VDAC3: variants seen among roughly 807,000 people sequenced by gnomAD.
The protein encoded by VDAC3 is voltage dependent anion channel 3.
In VDAC3, 7 loss-of-function variants were observed where a neutral mutation model predicts 33.9. That is an observed-to-expected ratio of 0.21 (90% CI 0.12 to 0.39). The LOEUF (loss-of-function observed/expected upper bound fraction) is 0.39, where lower values mean the gene tolerates loss of function less well. Among genes scored for constraint, VDAC3 ranks in the 10% least tolerant of loss-of-function variants. The pLI is 1.00. For missense variants in VDAC3, 261 were observed against 334.5 expected (o/e 0.78, Z 1.71); for synonymous variants, 100 against 122.4 (o/e 0.82, Z 1.21).
intron 2 of VDAC3, 126 bp from the exon 3 acceptor site, chr8:42,394,084 G>A (rs757429893): frequency 5.9e-5 from 47 of 800,384 alleles, no homozygotes; most frequent in Non-Finnish European, 9.7e-5. Flanking sequence ...TTGCATTAAA[G>A]CATTAATGAT....
chr8:42,393,548 A>G (rs1802247757), intron 1 of VDAC3, among the ~76,000 whole-genome samples: 1 of 152,244 alleles, frequency 6.6e-6, no homozygotes. Flanking sequence ...TTTAGTAGGC[A>G]AGATGAAAAA....
chr8:42,403,473 C>A lies in VDAC3; in HGVS notation c.702+12C>A. 6.4e-7 allele frequency: 1 copy of A among 1,556,120 alleles called. No homozygotes were observed. On this transcript the variant is annotated intron_variant, in intron 8 of 9. Transcript: ENST00000022615. ...GAACTTCTCTCTCTGTAAGAATGTG[C>A]TGCCAGATTGGATCTGCTCTTATGT...
rs1161054742 is a variant in VDAC3, at chr8:42,398,740, C to T, written c.146C>T (p.Thr49Ile). Residue 49 changes from threonine (T) to isoleucine (I), a missense_variant, in exon 5 of 10, where the codon ACT (threonine) becomes ATT (isoleucine). Physicochemically the swap from Thr to Ile is moderately conservative, Grantham distance 89. Transcript: ENST00000022615. ...TTTTCTACTTCTGGTCATGCTTACA[C>T]TGATACAGGGAAAGCATCAGGCAAC... Reference protein sequence around the residue: ...VEFSTSGHAYTDTGKASGNLE... With the variant: ...VEFSTSGHAYIDTGKASGNLE... 4.3e-6 allele frequency: 7 copies of T among 1,613,742 alleles called. No homozygotes were observed. The highest frequency in any genetic ancestry group is 4.0e-5 in the African/African-American group (3 of 74,908).
At chr8:42,404,753 T>A in intron 8 of VDAC3, 114 bp from the exon 9 acceptor site, 2 of 654,662 alleles carry the variant, frequency 3.1e-6, no homozygotes, top group Non-Finnish European at 4.8e-6. Context: ...TCAGTAATTC[T>A]AGATTGGCCC....
intron 3 of VDAC3, 131 bp downstream of exon 3, chr8:42,394,409 C>T (rs1251135965): frequency 2.5e-6 from 2 of 785,908 alleles, no homozygotes; most frequent in Non-Finnish European, 4.1e-6. Flanking sequence ...AAGGGGATAA[C>T]TATTAACAGG....
At chr8:42,403,280 A>G in intron 7 of VDAC3, 31 bp from the exon 8 acceptor site, 1 of 1,612,438 alleles carries the variant, frequency 6.2e-7, no homozygotes, top group South Asian at 1.1e-5. Context: ...CAAACTAGAT[A>G]TTTATGACGT....
intron 6 of VDAC3, among the ~76,000 whole-genome samples, chr8:42,400,673 CTTTTTTTTTTTT>C (rs1188886241): frequency 2.8e-5 from 2 of 72,322 alleles, no homozygotes; most frequent in African/African-American, 6.1e-5. Context: ...ATATTCTTTT[CTTTTTTTTTTTT>C]TTTTTTTTTT....
intron 5 of VDAC3, 120 bp downstream of exon 5, chr8:42,398,984 T>G (rs1802368650): frequency 8.5e-7 from 1 of 1,181,486 alleles, no homozygotes; most frequent in Non-Finnish European, 1.2e-6. Context: ...ATATTTTTTC[T>G]CTGCATGTGG....
At chr8:42,404,960 G>A (rs759537778) in intron 9 of VDAC3, 36 bp downstream of exon 9, 1 of 1,585,498 alleles carries the variant, frequency 6.3e-7, no homozygotes, top group Admixed American at 1.7e-5. Context: ...GGGTTGAGGT[G>A]GAAGGTGATA....
intron 4 of VDAC3, chr8:42,397,666 A>AT (rs1016769320): frequency 6.6e-6 from 1 of 152,118 alleles, no homozygotes; most frequent in East Asian, 1.9e-4. Context: ...ATTTTATTTT[A>AT]TTTTTTTGAG....
At chr8:42,403,170 A>T in intron 7 of VDAC3, 141 bp from the exon 8 acceptor site, 2 of 868,564 alleles carry the variant, frequency 2.3e-6, no homozygotes, top group Non-Finnish European at 3.5e-6. Context: ...TTTGTTTAGT[A>T]GTCATTTATG....
At chr8:42,392,758 G>A (rs1824892660) in intron 1 of VDAC3, among the ~76,000 whole-genome samples, 2 of 152,110 alleles carry the variant, frequency 1.3e-5, no homozygotes, top group African/African-American at 2.4e-5. Flanking sequence ...TCTTTTCTCG[G>A]CAGTATGAAA....
intron 1 of VDAC3, among the ~76,000 whole-genome samples, chr8:42,392,280 C>T (rs1003336599): frequency 6.6e-6 from 1 of 152,226 alleles, no homozygotes; most frequent in Admixed American, 6.5e-5. Context: ...CCCCTCCTTA[C>T]GGCCGAGGGA....
intron 6 of VDAC3, 117 bp from the exon 7 acceptor site, chr8:42,401,671 C>A (rs1353114849): frequency 2.2e-6 from 2 of 920,938 alleles, no homozygotes; most frequent in Admixed American, 4.5e-5. Flanking sequence ...GTGGCATGTA[C>A]CAAAATAATA....
intron 8 of VDAC3, 113 bp from the exon 9 acceptor site, chr8:42,404,754 A>C: frequency 4.6e-6 from 3 of 654,108 alleles, no homozygotes; most frequent in Non-Finnish European, 7.3e-6. Flanking sequence ...CAGTAATTCT[A>C]GATTGGCCCT....
Position 42,394,192 on chromosome 8 carries a change from C to A in VDAC3, c.-2-18C>A. On this transcript the variant is annotated intron_variant, in intron 2 of 9. Coordinates refer to ENST00000022615, the MANE Select transcript of VDAC3 (RefSeq NM_005662.7). ...TAAATGGTTATTTTTATTCCTTTGC[C>A]CTGTTTTTCTTTATAAGATATGTGT... 32 of 1,609,754 alleles carry A rather than the reference C, an allele frequency of 2.0e-5. No homozygotes were observed. Among genetic ancestry groups the A allele is most frequent in the Non-Finnish European group, 2.7e-5 (32 of 1,176,320 alleles).
Position 42,405,568 on chromosome 8 carries a change from T to G in VDAC3, c.*106T>G. The G allele has an allele frequency of 1.0e-6, 1 of 960,592 alleles. No homozygotes were observed. Among genetic ancestry groups the G allele is most frequent in the East Asian group, 2.5e-5 (1 of 39,990 alleles). The allele number at this position is 960,592 out of a possible 1,614,324, so 59.5% of individuals were successfully genotyped here. A position where few individuals can be genotyped will look rare whatever the true frequency, so the allele number is the denominator to read the frequency against. On this transcript the variant is annotated 3_prime_UTR_variant, in exon 10 of 10. Coordinates refer to ENST00000022615, the MANE Select transcript of VDAC3 (RefSeq NM_005662.7). ...TGTGAAATTTCAAAAGTGTGAACTT[T>G]TTATTCTTCCAAAGAATTGTAATCC... is the stretch of plus-strand genomic sequence containing the variant.
intron 8 of VDAC3, among the ~76,000 whole-genome samples, chr8:42,404,041 A>G (rs571541543): frequency 1.6e-4 from 24 of 152,272 alleles, no homozygotes; most frequent in Middle Eastern, 3.4e-3. Context: ...TTCTGTTGCT[A>G]TAGTAACTCT....
chr8:42,394,575 A>G (rs1444032057), intron 3 of VDAC3, among the ~76,000 whole-genome samples: 1 of 152,238 alleles, frequency 6.6e-6, no homozygotes, highest in Non-Finnish European at 1.5e-5. Context: ...CCTGAGGACA[A>G]TTAAATTAGG....
Sources: gnomAD v4.1 joint callset for allele counts (sites outside exome capture counted in the v4.1 genomes callset) on GRCh38, gnomAD v4.1.1 for gene constraint, MANE v1.5 for transcripts, NCBI Gene and HGNC (gene_info 2026-07-23, HGNC 2026-07-21) for gene names.